The following SPRR2G variants were observed in gnomAD, a reference collection of about 807,000 sequenced individuals.
SPRR2G encodes small proline-rich protein 2G.
In SPRR2G, 1 loss-of-function variant was observed where a neutral mutation model predicts 0.7. That is an observed-to-expected ratio of 1.49 (90% CI 0.53 to 7.06). The LOEUF (loss-of-function observed/expected upper bound fraction) is 7.06. SPRR2G is among the 30% of genes most tolerant of loss of function. SPRR2G has a pLI of 0.14. For missense variants in SPRR2G, 96 were observed against 88.5 expected (o/e 1.09, Z -0.34); for synonymous variants, 38 against 33.9 (o/e 1.12, Z -0.42).
chr1:153,167,017 G>A, the SPRR2G span, among the ~76,000 whole-genome samples: 1 of 152,140 alleles, frequency 6.6e-6, no homozygotes, highest in Non-Finnish European at 1.5e-5. Context: ...CAGAACCATG[G>A]CATAATCAGA....
At chr1:153,176,281 G>A in the SPRR2G span, 3 of 152,098 alleles carry the variant, frequency 2.0e-5, no homozygotes, top group Admixed American at 1.3e-4. Flanking sequence ...CGTGGACTTT[G>A]GATTTTCTTC....
At chr1:153,163,368 T>G in the SPRR2G span, among the ~76,000 whole-genome samples, 1 of 152,198 alleles carries the variant, frequency 6.6e-6, no homozygotes, top group Non-Finnish European at 1.5e-5. Context: ...CAAAGGCACA[T>G]GAATTTCTAA....
At chr1:153,189,926 G>A in the SPRR2G span, among the ~76,000 whole-genome samples, 3 of 152,236 alleles carry the variant, frequency 2.0e-5, no homozygotes, top group Admixed American at 6.5e-5. Context: ...CTGTAGGGTG[G>A]GCAGTCTCAG....
At chr1:153,155,620 G>T (rs944901296), upstream of SPRR2G, among the ~76,000 whole-genome samples, 1 of 152,106 alleles carries the variant, frequency 6.6e-6, no homozygotes, top group East Asian at 1.9e-4. Context: ...TCACTTGCAT[G>T]CTTAAAATAC....
the SPRR2G span, chr1:153,190,718 A>C: frequency 6.6e-6 from 1 of 151,904 alleles, no homozygotes; most frequent in Non-Finnish European, 1.5e-5. Flanking sequence ...AATCAATGAA[A>C]AATTTGCCAG....
chr1:153,196,973 A>C, the SPRR2G span, among the ~76,000 whole-genome samples: 1 of 151,826 alleles, frequency 6.6e-6, no homozygotes, highest in Non-Finnish European at 1.5e-5. Flanking sequence ...TAAAATGTGG[A>C]CTCCACAGAG....
the SPRR2G span, chr1:153,190,906 T>C: frequency 5.3e-5 from 8 of 152,222 alleles, no homozygotes; most frequent in African/African-American, 1.7e-4. Flanking sequence ...ATCAAACATA[T>C]GTATCCCTGA....
At chr1:153,163,063 A>G in the SPRR2G span, among the ~76,000 whole-genome samples, 1 of 152,258 alleles carries the variant, frequency 6.6e-6, no homozygotes, top group Non-Finnish European at 1.5e-5. Flanking sequence ...TAGTTTTACT[A>G]CATAGCAGAC....
At chr1:153,184,025 T>C in the SPRR2G span, among the ~76,000 whole-genome samples, 1 of 152,186 alleles carries the variant, frequency 6.6e-6, no homozygotes, top group Non-Finnish European at 1.5e-5. Flanking sequence ...GATCAGATGG[T>C]TGTAGATGTG....
At chr1:153,185,824 C>A in the SPRR2G span, among the ~76,000 whole-genome samples, 1 of 152,142 alleles carries the variant, frequency 6.6e-6, no homozygotes, top group Non-Finnish European at 1.5e-5. Flanking sequence ...GATTTTAGAT[C>A]TTTCCTGCTT....
At chr1:153,184,721 C>A in the SPRR2G span, among the ~76,000 whole-genome samples, 3 of 152,136 alleles carry the variant, frequency 2.0e-5, no homozygotes, top group Admixed American at 2.0e-4. Flanking sequence ...ATTGCCCTGG[C>A]CAGAACTTCC....
chr1:153,149,698 A>T lies in SPRR2G; in HGVS notation c.*191T>A. ...GACAGCAAAGCGAGATTAGGCAGTGATCTGGCTGCTCATCTTCCAACAACA... is the reference window on the plus strand; with the variant it reads ...GACAGCAAAGCGAGATTAGGCAGTGTTCTGGCTGCTCATCTTCCAACAACA... On this transcript the variant is annotated 3_prime_UTR_variant, in exon 2 of 2. Transcript: ENST00000368748. The T allele has an allele frequency of 1.4e-6, 1 of 711,052 alleles. No individual in the cohort carries two copies. The highest frequency in any genetic ancestry group is 2.3e-6 in the Non-Finnish European group (1 of 425,740). 44.0% of individuals were successfully genotyped at this position (711,052 alleles called of 1,614,324 possible).
chr1:153,186,187 T>G, the SPRR2G span, among the ~76,000 whole-genome samples: 1 of 152,192 alleles, frequency 6.6e-6, no homozygotes, highest in Admixed American at 6.5e-5. Context: ...GAATGTACGT[T>G]CTGTTGATTT....
At chr1:153,155,953 A>G in the SPRR2G span, among the ~76,000 whole-genome samples, 1 of 151,660 alleles carries the variant, frequency 6.6e-6, no homozygotes, top group African/African-American at 2.4e-5. Flanking sequence ...AGTGCAACCC[A>G]TCTGCATTAA....
chr1:153,181,601 T>G, the SPRR2G span, among the ~76,000 whole-genome samples: 2 of 152,178 alleles, frequency 1.3e-5, no homozygotes, highest in South Asian at 2.1e-4. Flanking sequence ...CTCTGGTAAC[T>G]ATCATTCTAT....
the SPRR2G span, among the ~76,000 whole-genome samples, chr1:153,197,117 C>T: frequency 1.3e-5 from 2 of 149,556 alleles, no homozygotes; most frequent in Admixed American, 6.8e-5. Context: ...TGAAGTGGGT[C>T]TCACCAGGCA....
At chr1:153,161,893 T>C in the SPRR2G span, among the ~76,000 whole-genome samples, 1 of 152,220 alleles carries the variant, frequency 6.6e-6, no homozygotes, top group Admixed American at 6.5e-5. Context: ...CCTTTCTAAA[T>C]TGACAATGTC....
chr1:153,152,189 T>C (rs1462026994), upstream of SPRR2G, among the ~76,000 whole-genome samples: 3 of 152,172 alleles, frequency 2.0e-5, no homozygotes, highest in African/African-American at 7.2e-5. Context: ...TAACTAATCA[T>C]AACTAACCAA....
chr1:153,190,798 A>T, the SPRR2G span: 7 of 152,326 alleles, frequency 4.6e-5, no homozygotes, highest in Middle Eastern at 3.4e-3. Flanking sequence ...TTTTCTCCCT[A>T]ATAATCTCCA....
Sources: allele counts gnomAD v4.1 joint callset (sites outside exome capture counted in the v4.1 genomes callset), GRCh38; gene constraint gnomAD v4.1.1; transcripts MANE v1.5; gene names NCBI Gene and HGNC (gene_info 2026-07-23, HGNC 2026-07-21).